The following ZNF610 variants were observed in gnomAD, a reference collection of about 807,000 sequenced individuals.
ZNF610 encodes the protein zinc finger protein 610, also known as zink finger protein.
Under a neutral mutation model 14.1 loss-of-function variants are expected in ZNF610, and 14 were observed. The ratio of observed to expected loss-of-function variants is 0.99; its 90% CI spans 0.65 to 1.55. The LOEUF is 1.55. ZNF610 is among the 40% of genes most tolerant of loss of function. The pLI is 0.00. For missense variants in ZNF610, 530 were observed against 558.0 expected, an observed-to-expected ratio of 0.95 and a Z score of 0.51; for synonymous variants, 185 against 187.6, an observed-to-expected ratio of 0.99 and a Z score of 0.11.
intron 3 of ZNF610, among the ~76,000 whole-genome samples, chr19:52,350,404 G>A (rs539674894): frequency 1.7e-4 from 26 of 152,296 alleles, no homozygotes; most frequent in African/African-American, 5.8e-4. Context: ...TTGGCCGGGC[G>A]TGGTGGCTCA....
chr19:52,334,533 T>A (rs1307385350), upstream of ZNF610, among the ~76,000 whole-genome samples: 1 of 151,966 alleles, frequency 6.6e-6, no homozygotes, highest in African/African-American at 2.4e-5. Flanking sequence ...TAAAATAAAG[T>A]AATTTATAAA....
rs142232421 is a variant in ZNF610 at position 52,352,428 on chromosome 19, G to A, written c.64-1254G>A. 2.6e-3 allele frequency among the ~76,000 whole-genome samples: 401 copies of A among 152,136 alleles called. 1 individual carries two copies. Among genetic ancestry groups the A allele is most frequent in the African/African-American group, 9.2e-3 (382 of 41,500 alleles). ...TAATTTTGTATTTTTAGTAGAGACGGGATTTCTCTGTGTTGATCAGGCTGG... is the reference window on the plus strand; with the variant it reads ...TAATTTTGTATTTTTAGTAGAGACGAGATTTCTCTGTGTTGATCAGGCTGG... On this transcript the variant is annotated intron_variant, in intron 3 of 5. Coordinates refer to ENST00000403906, the MANE Select transcript of ZNF610 (RefSeq NM_001161425.2).
chr19:52,363,094 G>T (rs1357422658), intron 5 of ZNF610, among the ~76,000 whole-genome samples: 1 of 151,388 alleles, frequency 6.6e-6, no homozygotes, highest in African/African-American at 2.4e-5. Context: ...CCAAAGCCGA[G>T]AGACAGAACC....
intron 1 of ZNF610, among the ~76,000 whole-genome samples, chr19:52,338,726 G>A (rs1182086981): frequency 6.6e-6 from 1 of 152,120 alleles, no homozygotes; most frequent in African/African-American, 2.4e-5. Context: ...TTGAGACGGA[G>A]TTTCGGTCTT....
chr19:52,357,823 T>C (rs1371626905), intron 5 of ZNF610, among the ~76,000 whole-genome samples: 3 of 151,722 alleles, frequency 2.0e-5, no homozygotes, highest in Admixed American at 6.6e-5. Context: ...TTATTCCAAA[T>C]AGATAGAGAA....
chr19:52,356,323 C>T (rs1217488712), intron 5 of ZNF610, among the ~76,000 whole-genome samples: 1 of 152,116 alleles, frequency 6.6e-6, no homozygotes, highest in Admixed American at 6.5e-5. Flanking sequence ...ATCCCTAGGT[C>T]CCCATGGGGA....
intron 1 of ZNF610, among the ~76,000 whole-genome samples, chr19:52,338,571 G>A (rs1162211911): frequency 6.6e-6 from 1 of 152,132 alleles, no homozygotes; most frequent in East Asian, 1.9e-4. Flanking sequence ...TGTAATCCCA[G>A]CTGCTTGGCT....
Position 52,354,312 on chromosome 19 carries a change from T to G in ZNF610, c.252T>G (p.Ile84Met), listed in dbSNP as rs1307847630. 1 of 1,614,166 alleles carries G rather than the reference T, an allele frequency of 6.2e-7. No individual in the cohort carries two copies. Residue 84 changes from isoleucine (I) to methionine (M), a missense_variant, in exon 5 of 6, where the codon ATT becomes ATG. Ile to Met is a conservative substitution (Grantham distance 10, BLOSUM62 1). Coordinates refer to ENST00000403906, the MANE Select transcript of ZNF610 (RefSeq NM_001161425.2). Reference sequence around the variant, plus strand: ...TGAAGCAAAGGAGAGAGCCCTTGATTCTGCAAAGTCAAGTTAAAATAGTAA... The same window carrying G: ...TGAAGCAAAGGAGAGAGCCCTTGATGCTGCAAAGTCAAGTTAAAATAGTAA... The part of the protein sequence containing the change: ...SMLKQRREPL[I>M]LQSQVKIVKN...
chr19:52,331,347 G>A (rs981788452), upstream of ZNF610, among the ~76,000 whole-genome samples: 4 of 152,174 alleles, frequency 2.6e-5, no homozygotes, highest in Non-Finnish European at 5.9e-5. Flanking sequence ...TGACAGCCCT[G>A]CTACCTAACC....
At chr19:52,345,718 T>A (rs1350191233) in intron 1 of ZNF610, among the ~76,000 whole-genome samples, 1 of 152,036 alleles carries the variant, frequency 6.6e-6, no homozygotes, top group African/African-American at 2.4e-5. Flanking sequence ...TTTTATTTTT[T>A]TTTGGAGATG....
intron 3 of ZNF610, among the ~76,000 whole-genome samples, chr19:52,352,803 T>G (rs1985322009): frequency 6.6e-6 from 1 of 151,688 alleles, no homozygotes; most frequent in South Asian, 2.1e-4. Flanking sequence ...TTGATTATGA[T>G]GTTTTATGAG....
At chr19:52,357,963 T>C (rs926202542) in intron 5 of ZNF610, among the ~76,000 whole-genome samples, 1 of 152,196 alleles carries the variant, frequency 6.6e-6, no homozygotes, top group African/African-American at 2.4e-5. Flanking sequence ...CACCTTCCTG[T>C]CAGCCTCGGG....
intron 5 of ZNF610, among the ~76,000 whole-genome samples, chr19:52,362,901 A>C (rs2122288795): frequency 6.6e-6 from 1 of 152,258 alleles, no homozygotes; most frequent in East Asian, 1.9e-4. Context: ...TGTTGTGTAT[A>C]CGTCTGTCAT....
chr19:52,353,845 C>T, intron 4 of ZNF610, 37 bp downstream of exon 4: 2 of 1,583,630 alleles, frequency 1.3e-6, no homozygotes, highest in Non-Finnish European at 1.7e-6. Context: ...GGGATCTGCT[C>T]TAATCTGTCT....
intron 1 of ZNF610, chr19:52,345,471 G>T (rs994391119): frequency 6.6e-6 from 1 of 152,018 alleles, no homozygotes; most frequent in Non-Finnish European, 1.5e-5. Flanking sequence ...ACACTGTGAT[G>T]CTCCTAGAGG....
rs189258847 is a variant in ZNF610, at chr19:52,352,978, G to A, written c.64-704G>A. Among the ~76,000 whole-genome samples, 44 of 151,874 alleles carry A rather than the reference G, an allele frequency of 2.9e-4. No individual in the cohort carries two copies. In the East Asian group the frequency reaches 7.7e-3, roughly 27 times the overall value. On this transcript the variant is annotated intron_variant, in intron 3 of 5. Coordinates refer to ENST00000403906, the MANE Select transcript of ZNF610 (RefSeq NM_001161425.2). ...TTTGAGACGGAGTCTTGCTCTTGTCGCCCAGGCTGGAGTGCAGTGGTGCGA... is the reference window on the plus strand; with the variant it reads ...TTTGAGACGGAGTCTTGCTCTTGTCACCCAGGCTGGAGTGCAGTGGTGCGA...
intron 5 of ZNF610, among the ~76,000 whole-genome samples, chr19:52,357,938 G>GAGCA (rs1985609641): frequency 6.6e-6 from 1 of 152,174 alleles, no homozygotes; most frequent in Admixed American, 6.5e-5. Context: ...CCTGGCATGT[G>GAGCA]TGTGAGTTCC....
At chr19:52,357,114 T>G (rs1431560985) in intron 5 of ZNF610, among the ~76,000 whole-genome samples, 1 of 152,214 alleles carries the variant, frequency 6.6e-6, no homozygotes, top group African/African-American at 2.4e-5. Context: ...GCTTCAAAAG[T>G]TGGGGTTCCC....
chr19:52,363,684 G>A (rs1468898779), intron 5 of ZNF610, among the ~76,000 whole-genome samples: 1 of 152,104 alleles, frequency 6.6e-6, no homozygotes, highest in African/African-American at 2.4e-5. Flanking sequence ...AGACACCTCT[G>A]TGCTCTGCTG....
Sources: gnomAD v4.1 joint callset for allele counts (sites outside exome capture counted in the v4.1 genomes callset) on GRCh38, gnomAD v4.1.1 for gene constraint, MANE v1.5 for transcripts, NCBI Gene and HGNC (gene_info 2026-07-23, HGNC 2026-07-21) for gene names.